Variants in SVIL observed in about 807,000 individuals in gnomAD.
The protein encoded by SVIL is archvillin.
Under a neutral mutation model 240.4 loss-of-function variants are expected in SVIL, and 101 were observed. The ratio of observed to expected loss-of-function variants is 0.42; its 90% confidence interval spans 0.36 to 0.50. SVIL has a LOEUF of 0.50. SVIL is among the 20% of genes least tolerant of loss of function. The pLI is 0.01. For synonymous variants in SVIL, 999 were observed against 1,100.0 expected (o/e 0.91, Z 1.82); for missense variants, 2,512 against 2,818.7 (o/e 0.89, Z 2.46).
intron 1 of SVIL, among the ~76,000 whole-genome samples, chr10:29,727,870 A>G (rs1048475726): frequency 1.3e-5 from 2 of 152,218 alleles, no homozygotes; most frequent in African/African-American, 4.8e-5. Flanking sequence ...CTCAGGACCA[A>G]CGGTAGCCTG....
At chr10:29,570,072 C>G (rs1381290053) in intron 1 of SVIL, among the ~76,000 whole-genome samples, 1 of 152,208 alleles carries the variant, frequency 6.6e-6, no homozygotes, top group Non-Finnish European at 1.5e-5. Context: ...GCCTTTTGCT[C>G]TTTAATATTT....
At chr10:29,499,072 G>A in intron 18 of SVIL, 44 bp downstream of exon 18, 1 of 1,599,086 alleles carries the variant, frequency 6.3e-7, no homozygotes, top group Non-Finnish European at 8.5e-7. Context: ...GCTCACGTGT[G>A]TGCATTGTGC....
At chr10:29,520,659 G>A (rs147754770) in intron 16 of SVIL, among the ~76,000 whole-genome samples, 49 of 152,208 alleles carry the variant, frequency 3.2e-4, no homozygotes, top group East Asian at 2.1e-3. Context: ...TGTAATCCCC[G>A]CACTTTGGAA....
chr10:29,655,126 C>T (rs922456107), intron 3 of SVIL, among the ~76,000 whole-genome samples: 2 of 152,110 alleles, frequency 1.3e-5, no homozygotes, highest in Admixed American at 6.6e-5. Flanking sequence ...AGGGGCAGAA[C>T]CAACAGGATA....
In SVIL at chr10:29,558,602, G is replaced by A. The variant is rs111786082; in HGVS notation, c.-50-3494C>T. On this transcript the variant is annotated intron_variant, in intron 3 of 37. Coordinates refer to ENST00000355867, the MANE Select transcript of SVIL (RefSeq NM_021738.3). ...TACTAACATGTAATATAATTAATGT[G>A]TATTATATTACATATCTGTTTTATA... 6.6e-3 allele frequency among the ~76,000 whole-genome samples: 1,001 copies of A among 151,838 alleles called. 4 individuals carry two copies. The highest frequency in any genetic ancestry group is 0.011 in the Non-Finnish European group (778 of 67,958).
chr10:29,532,708 G>C lies in SVIL; in HGVS notation c.1659C>G (p.Gly553=). 6.2e-7 allele frequency: 1 copy of C among 1,614,190 alleles called. No homozygotes were observed. The highest frequency in any genetic ancestry group is 8.5e-7 in the Non-Finnish European group (1 of 1,180,026). Reference sequence around the variant, plus strand: ...ACTTCAAGGCCTGGAGCTGAGGGGGGCCTGTGAAATCTGACAGAGAGCGGG... The same window carrying C: ...ACTTCAAGGCCTGGAGCTGAGGGGGCCCTGTGAAATCTGACAGAGAGCGGG... ...VRTRSLSDFT[G]PPQLQALKYK... Residue 553 remains glycine, a synonymous_variant, in exon 8 of 38, where the codon GGC becomes GGG. Transcript: ENST00000355867.
chr10:29,588,192 G>A (rs541424767), intron 1 of SVIL, among the ~76,000 whole-genome samples: 4 of 151,696 alleles, frequency 2.6e-5, no homozygotes, highest in East Asian at 1.9e-4. Flanking sequence ...TGGAGCTGCC[G>A]AACCACAGCA....
At chr10:29,506,656 TGGAGGGAGGGGACAGAGGC>T (rs1949312549) in intron 17 of SVIL, among the ~76,000 whole-genome samples, 1 of 134,908 alleles carries the variant, frequency 7.4e-6, no homozygotes, top group African/African-American at 3.0e-5. Context: ...ACAGAGGCCC[TGGAGGGAGGGGACAGAGGC>T]CCTATGAGGG....
intron 1 of SVIL, among the ~76,000 whole-genome samples, chr10:29,586,084 C>T (rs61846652): frequency 4.5e-4 from 69 of 152,282 alleles, no homozygotes; most frequent in African/African-American, 1.6e-3. Context: ...GAAACTCAAA[C>T]GAGAAAAGAT....
rs868650022 is a variant in SVIL at position 29,532,470 on chromosome 10, A to G, written c.1838+59T>C. ...GAACACAACACAGGTCGAGGAGTGA[A>G]TCATTCTGCCAGGGACGTGCAAGTG... On this transcript the variant is annotated intron_variant, in intron 8 of 37. Coordinates refer to ENST00000355867, the MANE Select transcript of SVIL (RefSeq NM_021738.3). The G allele has an allele frequency of 1.7e-5, 27 of 1,549,800 alleles. 1 individual carries two copies. The Middle Eastern group carries it at 2.8e-3, about 163-fold the overall frequency.
chr10:29,735,663 C>G lies in SVIL; in HGVS notation c.-400+88G>C, dbSNP rs1304965161. On this transcript the variant is annotated intron_variant, in intron 1 of 35. Coordinates refer to the SVIL transcript ENST00000375400. This position sits in a 1 kb window ranked among gnomAD's most constrained non-coding sequence, Gnocchi z 4.1. ...GCGAGACTGACCCGCGCCTCCCGCC[C>G]CGGAGCAGAGCGCAGCGGCGCGTCC... is the stretch of plus-strand genomic sequence containing the variant. 2.0e-5 allele frequency: 3 copies of G among 151,848 alleles called. No homozygotes were observed. The highest frequency in any genetic ancestry group is 7.3e-5 in the African/African-American group (3 of 41,372). The allele number at this position is 151,848 out of a possible 1,614,324, so 9.4% of individuals were successfully genotyped here. A position where few individuals can be genotyped will look rare whatever the true frequency, so the allele number is the denominator to read the frequency against.
chr10:29,613,776 G>T (rs1225464844), intron 1 of SVIL, among the ~76,000 whole-genome samples: 1 of 152,180 alleles, frequency 6.6e-6, no homozygotes, highest in Non-Finnish European at 1.5e-5. Context: ...GAATAAATAT[G>T]CAGATACTCA....
At position 29,532,665 on chromosome 10, in the gene SVIL, T is replaced by G; in HGVS notation, c.1702A>C (p.Arg568=). The part of the protein sequence containing the change: ...QALKYKDPAS[R]RELELPSSKT... ...GAGCTGGGCAGCTCCAGCTCTCTCC[T>G]GGAAGCTGGGTCCTTATACTTCAAG... The change falls in exon 8 of 38, where the codon AGG becomes CGG. Residue 568 remains arginine, a synonymous_variant. Coordinates refer to ENST00000355867, the MANE Select transcript of SVIL (RefSeq NM_021738.3). 1 of 1,614,188 alleles carries G rather than the reference T, an allele frequency of 6.2e-7. No homozygotes were observed. Among genetic ancestry groups the G allele is most frequent in the Admixed American group, 1.7e-5 (1 of 60,024 alleles).
Position 29,481,747 on chromosome 10 carries a change from G to A in SVIL, c.4956-19C>T, listed in dbSNP as rs767702514. On this transcript the variant is annotated intron_variant, in intron 27 of 37. Transcript: ENST00000355867. ...TCCTTTTCTGTAGGGTGGGAGGGGGGTTGGGAGAACAGACAGGAAAAGAAC... is the reference window on the plus strand; with the variant it reads ...TCCTTTTCTGTAGGGTGGGAGGGGGATTGGGAGAACAGACAGGAAAAGAAC... The A allele has an allele frequency of 1.2e-6, 2 of 1,603,488 alleles. No individual in the cohort carries two copies. The highest frequency in any genetic ancestry group is 1.7e-6 in the Non-Finnish European group (2 of 1,173,744).
intron 16 of SVIL, among the ~76,000 whole-genome samples, chr10:29,516,354 C>T (rs772840922): frequency 4.6e-5 from 7 of 152,206 alleles, no homozygotes; most frequent in African/African-American, 7.2e-5. Context: ...CTCCAGCCTA[C>T]GGAGCACATG....
At chr10:29,475,061 T>C (rs908668092) in intron 29 of SVIL, among the ~76,000 whole-genome samples, 1 of 152,226 alleles carries the variant, frequency 6.6e-6, no homozygotes, top group Non-Finnish European at 1.5e-5. Flanking sequence ...GGTCTCCCTC[T>C]GTCACCCAGG....
chr10:29,459,435 T>A (rs1943969141), intron 36 of SVIL, among the ~76,000 whole-genome samples: 1 of 152,056 alleles, frequency 6.6e-6, no homozygotes, highest in South Asian at 2.1e-4. Flanking sequence ...TGGACTAAGA[T>A]TAGTAGATTT....
chr10:29,492,635 C>T (rs780024496), intron 21 of SVIL, among the ~76,000 whole-genome samples: 1 of 152,128 alleles, frequency 6.6e-6, no homozygotes, highest in Non-Finnish European at 1.5e-5. Flanking sequence ...TTGAAATTGA[C>T]GGACTCCTAA....
chr10:29,661,090 C>T (rs1036349621), intron 2 of SVIL, among the ~76,000 whole-genome samples: 2 of 151,036 alleles, frequency 1.3e-5, no homozygotes, highest in Admixed American at 1.3e-4. Context: ...TCGCTTGAAC[C>T]AGGGAGTCGG....
Sources: allele counts gnomAD v4.1 joint callset (sites outside exome capture counted in the v4.1 genomes callset), GRCh38; gene constraint gnomAD v4.1.1; non-coding constraint Gnocchi (gnomAD v3.1); transcripts MANE v1.5; gene names NCBI Gene and HGNC (gene_info 2026-07-23, HGNC 2026-07-21).